The following SPG7 variants were observed in gnomAD, a reference collection of about 807,000 sequenced individuals.
SPG7 encodes mitochondrial inner membrane m-AAA protease component paraplegin.
In SPG7, 103 loss-of-function variants were observed where a neutral mutation model predicts 81.9. The observed-to-expected ratio is 1.26, with a 90% CI of 1.07 to 1.48. SPG7 has a LOEUF of 1.48. Among genes scored for constraint, SPG7 ranks in the 40% most tolerant of loss-of-function variants. The probability of loss-of-function intolerance (pLI) is 0.00; values close to 1 mark genes in which losing one functional copy is unlikely to be tolerated. For synonymous variants in SPG7, 534 were observed against 444.2 expected (o/e 1.20, Z -2.54); for missense variants, 1,241 against 1,087.3 (o/e 1.14, Z -1.99).
At chr16:89,528,453 C>T (rs1489546066) in intron 5 of SPG7, among the ~76,000 whole-genome samples, 1 of 149,908 alleles carries the variant, frequency 6.7e-6, no homozygotes, top group Non-Finnish European at 1.5e-5. Context: ...CTCATGTCTT[C>T]GTAGGCCGAT....
chr16:89,531,735 CG>C (rs1259587554), intron 7 of SPG7, 168 bp from the exon 8 acceptor site: 1 of 683,006 alleles, frequency 1.5e-6, no homozygotes. Flanking sequence ...CCCAGCTACT[CG>C]AGAGGCTGAG....
intron 1 of SPG7, chr16:89,509,062 G>A: frequency 2.4e-6 from 1 of 422,356 alleles, no homozygotes; most frequent in South Asian, 1.7e-5. Flanking sequence ...GCATTTTGCT[G>A]TTGTCATGTA....
intron 9 of SPG7, chr16:89,540,863 T>C: frequency 1.0e-6 from 1 of 977,330 alleles, no homozygotes; most frequent in Non-Finnish European, 1.2e-6. Context: ...GACGCTCATT[T>C]ACCTGTAATA....
At chr16:89,524,291 A>G in intron 4 of SPG7, 44 bp downstream of exon 4, 1 of 1,579,892 alleles carries the variant, frequency 6.3e-7, no homozygotes, top group South Asian at 1.1e-5. Context: ...GTGTGGGCAC[A>G]GGCTGGCAGC....
intron 3 of SPG7, chr16:89,523,797 T>C (rs912584368): frequency 1.4e-6 from 1 of 716,502 alleles, no homozygotes; most frequent in African/African-American, 1.7e-5. Context: ...TGAAGTGACC[T>C]CAGCGAATGA....
chr16:89,535,762 G>C (rs1174740575), intron 9 of SPG7, among the ~76,000 whole-genome samples: 1 of 152,222 alleles, frequency 6.6e-6, no homozygotes, highest in Non-Finnish European at 1.5e-5. Context: ...ATGCGTTTTA[G>C]AGGCCTCTGG....
At chr16:89,546,629 G>C in intron 10 of SPG7, 29 bp from the exon 11 acceptor site, 1 of 1,512,098 alleles carries the variant, frequency 6.6e-7, no homozygotes, top group Non-Finnish European at 9.2e-7. Context: ...GCTTGAGCCC[G>C]ACTGTCTTTC....
chr16:89,526,961 A>C (rs545609979), intron 5 of SPG7: 4 of 236,294 alleles, frequency 1.7e-5, no homozygotes, highest in African/African-American at 9.3e-5. Context: ...AGGATGGCGA[A>C]GTCTCAGCCC....
At chr16:89,554,755 T>C in intron 16 of SPG7, 192 bp downstream of exon 16, 1 of 594,218 alleles carries the variant, frequency 1.7e-6, no homozygotes, top group Non-Finnish European at 3.1e-6. Flanking sequence ...GTCAAGTGTG[T>C]TCCCCCGAGG....
intron 16 of SPG7, 73 bp downstream of exon 16, chr16:89,554,636 C>G (rs890025978): frequency 4.0e-6 from 4 of 992,528 alleles, no homozygotes; most frequent in Admixed American, 3.8e-5. Flanking sequence ...CCCCACCCCT[C>G]TCGTGAAGTA....
chr16:89,539,312 C>T lies in SPG7; in HGVS notation c.1325-5336C>T, dbSNP rs561144077. The T allele has an allele frequency of 6.6e-5, 10 of 152,094 alleles. No homozygotes were observed. The East Asian group carries it at 1.9e-3, about 30-fold the overall frequency. 9.4% of individuals were successfully genotyped at this position (152,094 alleles called of 1,614,324 possible). A position where few individuals can be genotyped will look rare whatever the true frequency, so the allele number is the denominator to read the frequency against. ...GTCAGGAGTTCAAGACCAGCCTGGC[C>T]AATATGGAGAAACCCCATCTGTACT... On this transcript the variant is annotated intron_variant, in intron 9 of 16. Coordinates refer to ENST00000645818, the MANE Select transcript of SPG7 (RefSeq NM_003119.4).
chr16:89,550,443 GA>G (rs2058622094), intron 12 of SPG7, 50 bp from the exon 13 acceptor site: 8 of 1,337,470 alleles, frequency 6.0e-6, no homozygotes, highest in Non-Finnish European at 6.4e-6. Flanking sequence ...ACAGCGCTGG[GA>G]TTACAGGCGT....
At chr16:89,549,393 C>G (rs1183052330) in intron 12 of SPG7, 1 of 371,936 alleles carries the variant, frequency 2.7e-6, no homozygotes, top group Non-Finnish European at 5.3e-6. Flanking sequence ...GGCACTGTGG[C>G]TCATGCCTGT....
At chr16:89,527,689 G>C (rs1194008731) in intron 5 of SPG7, among the ~76,000 whole-genome samples, 4 of 152,196 alleles carry the variant, frequency 2.6e-5, no homozygotes, top group South Asian at 2.1e-4. Context: ...ACCCTGACAG[G>C]TTCCTTAGTA....
chr16:89,526,112 G>A (rs1030357141), intron 4 of SPG7, among the ~76,000 whole-genome samples: 3 of 152,150 alleles, frequency 2.0e-5, no homozygotes, highest in Non-Finnish European at 4.4e-5. Context: ...GTAGGTCAAG[G>A]AGCTTAGTGT....
intron 9 of SPG7, chr16:89,537,826 C>T: frequency 4.3e-6 from 4 of 938,172 alleles, no homozygotes; most frequent in Non-Finnish European, 5.1e-6. Context: ...CCCAGTGTGA[C>T]CCGGGACACC....
chr16:89,532,467 CGG>C lies in SPG7; in HGVS notation c.1156_1157del (p.Gly386ArgfsTer9). Reference protein sequence around the residue: ...PEFVEVIGGLGAARVRSLFKE... With the variant: ...PEFVEVIGGLXAARVRSLFKE... ...ATTCTCTCTGTGTCCCCTCAGGCCT[CGG>C]CGCTGCCCGTGTGCGGAGCCTCTTT... On this transcript the variant is annotated frameshift_variant, in exon 9 of 17. Transcript: ENST00000645818. LOFTEE classifies it high-confidence loss of function. 1 of 1,613,454 alleles carries C rather than the reference CGG, an allele frequency of 6.2e-7. No individual in the cohort carries two copies. Among genetic ancestry groups the C allele is most frequent in the Non-Finnish European group, 8.5e-7 (1 of 1,180,040 alleles).
intron 7 of SPG7, 72 bp from the exon 8 acceptor site, chr16:89,531,832 A>G (rs1300869446): frequency 1.3e-6 from 2 of 1,518,286 alleles, no homozygotes; most frequent in Non-Finnish European, 1.8e-6. Context: ...TGACCCAGAG[A>G]GACCTTACCT....
chr16:89,540,053 C>T (rs2058475522), intron 9 of SPG7: 2 of 152,586 alleles, frequency 1.3e-5, no homozygotes, highest in African/African-American at 2.4e-5. Flanking sequence ...TTTGCCGGAG[C>T]TCAGGTGCAT....
Sources: allele counts gnomAD v4.1 joint callset (sites outside exome capture counted in the v4.1 genomes callset), GRCh38; gene constraint gnomAD v4.1.1; transcripts MANE v1.5; gene names NCBI Gene and HGNC (gene_info 2026-07-23, HGNC 2026-07-21).